Variants in BMPR1A observed in about 807,000 individuals in gnomAD.
BMPR1A encodes bone morphogenetic protein receptor type-1A.
Under a neutral mutation model 66.0 loss-of-function variants are expected in BMPR1A, and 7 were observed. The observed-to-expected ratio is 0.11, with a 90% confidence interval of 0.06 to 0.20. BMPR1A has a LOEUF of 0.20. Among genes scored for constraint, BMPR1A ranks in the 10% least tolerant of loss-of-function variants. The probability of loss-of-function intolerance (pLI) is 1.00; values close to 1 mark genes in which losing one functional copy is unlikely to be tolerated. For missense variants in BMPR1A, 408 were observed against 669.1 expected, an observed-to-expected ratio of 0.61 and a Z score of 4.31; for synonymous variants, 200 against 229.7, an observed-to-expected ratio of 0.87 and a Z score of 1.17.
At chr10:86,842,792 GGC>G (rs1842442336) in intron 2 of BMPR1A, among the ~76,000 whole-genome samples, 3 of 152,114 alleles carry the variant, frequency 2.0e-5, no homozygotes, top group Admixed American at 6.6e-5. Flanking sequence ...GGTGGCAGCA[GGC>G]AGAGAGAATG....
chr10:86,757,657 C>T (rs1589700753), intron 1 of BMPR1A, among the ~76,000 whole-genome samples: 1 of 152,178 alleles, frequency 6.6e-6, no homozygotes, highest in African/African-American at 2.4e-5. Flanking sequence ...GGTCAAACTC[C>T]TGCAGGTTTT....
chr10:86,802,604 C>G (rs2132872327), intron 1 of BMPR1A, among the ~76,000 whole-genome samples: 1 of 151,738 alleles, frequency 6.6e-6, no homozygotes, highest in South Asian at 2.1e-4. Flanking sequence ...AAGTAGCTCT[C>G]AGATCAGCTG....
chr10:86,845,697 G>GAT (rs1420976709), intron 2 of BMPR1A, among the ~76,000 whole-genome samples: 1 of 152,124 alleles, frequency 6.6e-6, no homozygotes, highest in Non-Finnish European at 1.5e-5. Flanking sequence ...GGCTGATTAT[G>GAT]ATCACTAAAA....
chr10:86,828,079 G>A (rs1030320795), intron 1 of BMPR1A, among the ~76,000 whole-genome samples: 1 of 152,202 alleles, frequency 6.6e-6, no homozygotes, highest in Non-Finnish European at 1.5e-5. Context: ...TGGACCTAGG[G>A]AGGTGGAGGT....
At chr10:86,818,618 A>C (rs1842070954) in intron 1 of BMPR1A, among the ~76,000 whole-genome samples, 1 of 152,200 alleles carries the variant, frequency 6.6e-6, no homozygotes, top group Non-Finnish European at 1.5e-5. Context: ...GTATAAGCAA[A>C]ACAACAAAAT....
intron 2 of BMPR1A, chr10:86,856,355 G>A (rs1304215609): frequency 2.6e-6 from 1 of 379,092 alleles, no homozygotes; most frequent in African/African-American, 2.1e-5. Flanking sequence ...GGAGAGAGTA[G>A]TCTGCGGGTC....
chr10:86,807,903 A>C (rs1253793850), intron 1 of BMPR1A, among the ~76,000 whole-genome samples: 7 of 152,098 alleles, frequency 4.6e-5, no homozygotes, highest in Non-Finnish European at 8.8e-5. Flanking sequence ...ACAAGCTGGG[A>C]TTACAGGCGC....
intron 4 of BMPR1A, among the ~76,000 whole-genome samples, chr10:86,891,242 C>T (rs1267666110): frequency 6.6e-6 from 1 of 152,162 alleles, no homozygotes; most frequent in African/African-American, 2.4e-5. Flanking sequence ...CAGGGAACTG[C>T]TCTCTGCTAT....
intron 2 of BMPR1A, among the ~76,000 whole-genome samples, chr10:86,871,465 G>A (rs955144437): frequency 6.6e-6 from 1 of 152,124 alleles, no homozygotes; most frequent in Non-Finnish European, 1.5e-5. Flanking sequence ...ATAATTCAAC[G>A]GCAAGAACAC....
intron 1 of BMPR1A, among the ~76,000 whole-genome samples, chr10:86,822,610 T>G (rs899376748): frequency 8.5e-6 from 1 of 117,844 alleles, no homozygotes; most frequent in Non-Finnish European, 1.6e-5. Context: ...GAGCTTCAGT[T>G]TTCTTTTTTT....
chr10:86,780,702 G>A (rs1841424382), intron 1 of BMPR1A, among the ~76,000 whole-genome samples: 1 of 152,058 alleles, frequency 6.6e-6, no homozygotes, highest in African/African-American at 2.4e-5. Context: ...CAAAGTGCTG[G>A]GATTACAGGC....
chr10:86,780,548 C>T (rs1288096726), intron 1 of BMPR1A, among the ~76,000 whole-genome samples: 1 of 152,110 alleles, frequency 6.6e-6, no homozygotes, highest in Non-Finnish European at 1.5e-5. Flanking sequence ...AATTCTCCTG[C>T]CTCAGCCTCC....
intron 1 of BMPR1A, among the ~76,000 whole-genome samples, chr10:86,818,508 A>AT (rs1842069373): frequency 6.6e-6 from 1 of 152,104 alleles, no homozygotes; most frequent in South Asian, 2.1e-4. Context: ...TTGTCTCAGG[A>AT]TTTTTTGCTT....
At chr10:86,822,963 A>G (rs1220804479) in intron 1 of BMPR1A, among the ~76,000 whole-genome samples, 1 of 152,172 alleles carries the variant, frequency 6.6e-6, no homozygotes, top group Admixed American at 6.6e-5. Context: ...ATATGGGATT[A>G]CTAGTGGTAT....
At chr10:86,769,664 G>A (rs974011469) in intron 1 of BMPR1A, among the ~76,000 whole-genome samples, 2 of 152,158 alleles carry the variant, frequency 1.3e-5, no homozygotes, top group Non-Finnish European at 2.9e-5. Flanking sequence ...GCCTAGCAGG[G>A]AGCACTGTAG....
intron 1 of BMPR1A, among the ~76,000 whole-genome samples, chr10:86,794,853 T>C (rs1405063672): frequency 6.7e-6 from 1 of 149,322 alleles, no homozygotes; most frequent in Admixed American, 6.6e-5. Context: ...GATATAGATA[T>C]AGTTTTTTTT....
intron 5 of BMPR1A, among the ~76,000 whole-genome samples, chr10:86,897,521 G>A (rs1843241652): frequency 6.6e-6 from 1 of 152,158 alleles, no homozygotes; most frequent in African/African-American, 2.4e-5. Context: ...CAAGAGGAAG[G>A]GAAGTTAATT....
chr10:86,775,495 C>G (rs1464653600), intron 1 of BMPR1A, among the ~76,000 whole-genome samples: 2 of 152,176 alleles, frequency 1.3e-5, no homozygotes, highest in East Asian at 1.9e-4. Context: ...TTCATTCCCC[C>G]TGATGCCCAT....
chr10:86,881,158 T>G (rs187285897), intron 3 of BMPR1A, among the ~76,000 whole-genome samples: 18 of 152,274 alleles, frequency 1.2e-4, no homozygotes, highest in African/African-American at 3.4e-4. Flanking sequence ...GGAGAATCAC[T>G]TGAGCCCGGG....
Sources: allele counts gnomAD v4.1 joint callset (sites outside exome capture counted in the v4.1 genomes callset), GRCh38; gene constraint gnomAD v4.1.1; transcripts MANE v1.5; gene names NCBI Gene and HGNC (gene_info 2026-07-23, HGNC 2026-07-21).